The following APOOL variants were observed in gnomAD, a reference collection of about 807,000 sequenced individuals.
APOOL encodes MICOS complex subunit MIC27.
APOOL carries 12 observed loss-of-function variants against 23.1 expected under a neutral mutation model. That is an observed-to-expected ratio of 0.52 (90% CI 0.33 to 0.84). The LOEUF (loss-of-function observed/expected upper bound fraction) is 0.84. Ranked by LOEUF, APOOL falls within the 40% of genes least tolerant of loss-of-function variation. APOOL has a pLI of 0.02. For synonymous variants in APOOL, 77 were observed against 69.9 expected, an observed-to-expected ratio of 1.10 and a Z score of -0.51; for missense variants, 212 against 199.6, an observed-to-expected ratio of 1.06 and a Z score of -0.37.
In APOOL at chrX:85,018,995, A is replaced by G. The variant is rs913564966; in HGVS notation, c.15+15068A>G. ...TATATGTGTGCAGTCTGTGGTGGCT[A>G]TAGTGGCTAGGGCTCTTGTGGTCTT... is the stretch of plus-strand genomic sequence containing the variant. On this transcript the variant is annotated intron_variant, in intron 1 of 8. Coordinates refer to ENST00000373173, the MANE Select transcript of APOOL (RefSeq NM_198450.6). Among the ~76,000 whole-genome samples the G allele has an allele frequency of 2.7e-5, 3 of 111,196 alleles. No homozygotes were observed. In the South Asian group the frequency reaches 1.2e-3, roughly 43 times the overall value.
At chrX:85,075,117 G>A (rs1197601866) in intron 8 of APOOL, among the ~76,000 whole-genome samples, 2 of 110,355 alleles carry the variant, frequency 1.8e-5, no homozygotes, top group South Asian at 3.9e-4. Flanking sequence ...TATAAAACCC[G>A]CTAAGTTGTC....
chrX:85,035,610 T>C (rs1400797327), intron 1 of APOOL, among the ~76,000 whole-genome samples: 1 of 111,523 alleles, frequency 9.0e-6, no homozygotes, highest in African/African-American at 3.3e-5. Flanking sequence ...TTAATCCATC[T>C]TGAGTTGATT....
chrX:85,089,843 G>T lies in APOOL; in HGVS notation c.*2165G>T, dbSNP rs1892050894. On this transcript the variant is annotated 3_prime_UTR_variant, in exon 9 of 9. Coordinates refer to ENST00000373173, the MANE Select transcript of APOOL (RefSeq NM_198450.6). ...TCAAGTCATCATCATCACTTTTCTGGGTTACTGTAATAGCCTTCAGGCTAA... is the reference window on the plus strand; with the variant it reads ...TCAAGTCATCATCATCACTTTTCTGTGTTACTGTAATAGCCTTCAGGCTAA... The T allele has an allele frequency of 9.1e-6, 1 of 110,148 alleles. No individual in the cohort carries two copies. Among genetic ancestry groups the T allele is most frequent in the Non-Finnish European group, 1.9e-5 (1 of 52,829 alleles). 9.1% of individuals were successfully genotyped at this position (110,148 alleles called of 1,213,427 possible).
chrX:85,071,416 G>A (rs16980085), intron 6 of APOOL, among the ~76,000 whole-genome samples: 5,827 of 110,502 alleles, frequency 0.053, 358 homozygotes, highest in African/African-American at 0.17. Flanking sequence ...TGGCATTTCA[G>A]ATCAGTGTGT....
Position 85,051,371 on chromosome X carries a change from A to T in APOOL, c.121-18A>T, listed in dbSNP as rs759932976. On this transcript the variant is annotated intron_variant, in intron 2 of 8. Transcript: ENST00000373173. The stretch of plus-strand genomic sequence containing the variant: ...CCAGCTATTTTATGTTTTTGACATG[A>T]ACATTTTTTGCCTGTAGCTCCCCAT... 1 of 1,206,323 alleles carries T rather than the reference A, an allele frequency of 8.3e-7. No homozygotes were observed. Among genetic ancestry groups the T allele is most frequent in the South Asian group, 1.8e-5 (1 of 56,685 alleles).
At chrX:85,080,270 C>G (rs371323207) in intron 8 of APOOL, among the ~76,000 whole-genome samples, 11 of 111,979 alleles carry the variant, frequency 9.8e-5, no homozygotes, top group Non-Finnish European at 1.9e-4. Flanking sequence ...AAATGTGTCC[C>G]AGAGATTCTG....
chrX:85,006,781 C>G (rs1243728449), intron 1 of APOOL, among the ~76,000 whole-genome samples: 1 of 111,571 alleles, frequency 9.0e-6, no homozygotes, highest in Non-Finnish European at 1.9e-5. Context: ...ATATTAATCA[C>G]TTTTTACAGG....
intron 8 of APOOL, among the ~76,000 whole-genome samples, chrX:85,075,760 A>G (rs766595502): frequency 3.6e-5 from 4 of 111,114 alleles, no homozygotes; most frequent in Non-Finnish European, 7.6e-5. Context: ...AGATTCTGGA[A>G]CCCTTTATTT....
At chrX:85,054,013 CCTT>C (rs1174798826) in intron 3 of APOOL, among the ~76,000 whole-genome samples, 4 of 111,318 alleles carry the variant, frequency 3.6e-5, no homozygotes, top group Non-Finnish European at 5.7e-5. Flanking sequence ...AATATACCTC[CCTT>C]CTTCTTTATT....
intron 3 of APOOL, among the ~76,000 whole-genome samples, chrX:85,052,113 C>T (rs1922803000): frequency 8.9e-6 from 1 of 112,293 alleles, no homozygotes; most frequent in Admixed American, 9.5e-5. Flanking sequence ...TCTACCACTA[C>T]TGCATAGATT....
intron 3 of APOOL, 109 bp from the exon 4 acceptor site, chrX:85,054,235 A>G (rs1171291116): frequency 3.0e-6 from 2 of 667,613 alleles, no homozygotes; most frequent in Non-Finnish European, 4.5e-6. Flanking sequence ...AGATTTGGGC[A>G]TAATGTTAAG....
intron 1 of APOOL, among the ~76,000 whole-genome samples, chrX:85,018,639 C>A (rs1251962690): frequency 1.8e-5 from 2 of 109,841 alleles, no homozygotes; most frequent in African/African-American, 3.3e-5. Flanking sequence ...TTTGCAGATT[C>A]TTTCTTCTGT....
chrX:85,073,129 TACTTA>T (rs990241116), intron 6 of APOOL, among the ~76,000 whole-genome samples: 2 of 111,541 alleles, frequency 1.8e-5, no homozygotes, highest in African/African-American at 6.5e-5. Context: ...ATTAGTATAT[TACTTA>T]ACTTTTCAAC....
intron 8 of APOOL, among the ~76,000 whole-genome samples, chrX:85,082,415 G>T (rs759962490): frequency 9.0e-6 from 1 of 110,709 alleles, no homozygotes. Context: ...TGGGTATACC[G>T]AGCGGAGGCT....
At chrX:85,006,630 C>T (rs1422290482) in intron 1 of APOOL, among the ~76,000 whole-genome samples, 1 of 109,535 alleles carries the variant, frequency 9.1e-6, no homozygotes, top group Admixed American at 9.7e-5. Context: ...GGAAAATGTA[C>T]CAGGAGGTAT....
chrX:85,034,729 C>T (rs1461737597), intron 1 of APOOL, among the ~76,000 whole-genome samples: 1 of 111,876 alleles, frequency 8.9e-6, no homozygotes, highest in Admixed American at 9.5e-5. Context: ...TTTTCTGTTC[C>T]TGCATTAATT....
At chrX:85,083,204 C>A (rs1819374691) in intron 8 of APOOL, among the ~76,000 whole-genome samples, 1 of 111,082 alleles carries the variant, frequency 9.0e-6, no homozygotes, top group Non-Finnish European at 1.9e-5. Context: ...AAACAAAATA[C>A]TAGTTATGCA....
At chrX:85,043,587 T>C (rs1383460973) in intron 1 of APOOL, among the ~76,000 whole-genome samples, 1 of 111,647 alleles carries the variant, frequency 9.0e-6, no homozygotes, top group African/African-American at 3.3e-5. Flanking sequence ...TGCCAGTCTT[T>C]TTTCAGAAAT....
At chrX:85,028,466 C>T (rs1030942056) in intron 1 of APOOL, among the ~76,000 whole-genome samples, 11 of 111,418 alleles carry the variant, frequency 9.9e-5, no homozygotes, top group African/African-American at 3.6e-4. Context: ...CGTAGGCATG[C>T]AATGTGAAAT....
Sources: allele counts gnomAD v4.1 joint callset (sites outside exome capture counted in the v4.1 genomes callset), GRCh38; gene constraint gnomAD v4.1.1; transcripts MANE v1.5; gene names NCBI Gene and HGNC (gene_info 2026-07-23, HGNC 2026-07-21).